The following SNX25 variants were observed in gnomAD, a reference collection of about 807,000 sequenced individuals.
SNX25 encodes sorting nexin 25.
SNX25 carries 62 observed loss-of-function variants against 113.7 expected under a neutral mutation model. The observed-to-expected ratio is 0.55, with a 90% confidence interval of 0.44 to 0.67. SNX25 has a LOEUF of 0.67. SNX25 is among the 30% of genes least tolerant of loss of function. SNX25 has a pLI of 0.00. For synonymous variants in SNX25, 421 were observed against 436.2 expected (o/e 0.97, Z 0.43); for missense variants, 1,014 against 1,161.0 (o/e 0.87, Z 1.84).
At chr4:185,249,464 C>T (rs1745337067) in intron 2 of SNX25, among the ~76,000 whole-genome samples, 1 of 152,014 alleles carries the variant, frequency 6.6e-6, no homozygotes, top group East Asian at 1.9e-4. Flanking sequence ...CTTTTTTAAA[C>T]TTATAATTTA....
chr4:185,302,093 T>TG (rs1753771434), intron 6 of SNX25, among the ~76,000 whole-genome samples: 1 of 119,660 alleles, frequency 8.4e-6, no homozygotes, highest in African/African-American at 2.7e-5. Context: ...GTGTGTGTGT[T>TG]TTTTTTGTTT....
intron 6 of SNX25, among the ~76,000 whole-genome samples, chr4:185,302,692 C>T (rs1753882755): frequency 6.6e-6 from 1 of 152,200 alleles, no homozygotes; most frequent in African/African-American, 2.4e-5. Context: ...TTGTGGACTT[C>T]CAGCCTCCAG....
At chr4:185,206,489 T>G (rs1274693629), upstream of SNX25, among the ~76,000 whole-genome samples, 1 of 52,458 alleles carries the variant, frequency 1.9e-5, no homozygotes, top group South Asian at 5.7e-4. Flanking sequence ...ATGAACCCCA[T>G]CTCACTAAAA....
At chr4:185,297,569 G>A (rs1753003626) in intron 6 of SNX25, among the ~76,000 whole-genome samples, 2 of 152,128 alleles carry the variant, frequency 1.3e-5, no homozygotes, top group Admixed American at 6.6e-5. Flanking sequence ...GTCAATTCAG[G>A]CTGCTGTCAC....
intron 1 of SNX25, among the ~76,000 whole-genome samples, chr4:185,224,905 T>C (rs988609856): frequency 4.6e-5 from 7 of 151,770 alleles, no homozygotes; most frequent in African/African-American, 1.4e-4. Context: ...ATATCTGGAA[T>C]TAACCATTTC....
intron 11 of SNX25, among the ~76,000 whole-genome samples, chr4:185,341,428 C>A (rs2095259391): frequency 6.6e-6 from 1 of 152,184 alleles, no homozygotes. Context: ...ACAGGATGAG[C>A]CTGCTGTATA....
chr4:185,326,261 C>A (rs540058595), intron 9 of SNX25, among the ~76,000 whole-genome samples: 89 of 152,166 alleles, frequency 5.8e-4, no homozygotes, highest in Non-Finnish European at 1.1e-3. Context: ...TAGTTCAGTT[C>A]GTGCAGTTAA....
intron 16 of SNX25, 140 bp downstream of exon 16, chr4:185,357,877 A>C (rs941084621): frequency 1.4e-6 from 1 of 711,040 alleles, no homozygotes; most frequent in Non-Finnish European, 2.4e-6. Flanking sequence ...TATGATTCTA[A>C]GATTGGATAG....
At chr4:185,287,813 G>T (rs1751551746) in intron 5 of SNX25, among the ~76,000 whole-genome samples, 199 bp from the exon 6 acceptor site, 1 of 122,124 alleles carries the variant, frequency 8.2e-6, no homozygotes, top group African/African-American at 2.9e-5. Flanking sequence ...TTACGTGAGG[G>T]CCTCAGAATG....
chr4:185,362,144 T>A, intron 17 of SNX25, 39 bp downstream of exon 17: 1 of 1,557,398 alleles, frequency 6.4e-7, no homozygotes, highest in Non-Finnish European at 8.7e-7. Context: ...CATAGAGATC[T>A]GAGGGAATGT....
chr4:185,365,860 T>C (rs542038517), downstream of SNX25: 11 of 152,074 alleles, frequency 7.2e-5, no homozygotes, highest in Non-Finnish European at 1.6e-4. Context: ...CAAACCCGAG[T>C]CTGTTGAAAT....
intron 12 of SNX25, 83 bp downstream of exon 12, chr4:185,342,199 C>T: frequency 7.2e-7 from 1 of 1,394,830 alleles, no homozygotes; most frequent in East Asian, 2.6e-5. Context: ...GCTGATTAAT[C>T]TTCTTCCTTT....
intron 6 of SNX25, among the ~76,000 whole-genome samples, chr4:185,308,818 C>T (rs1044908037): frequency 1.3e-5 from 2 of 152,160 alleles, no homozygotes; most frequent in Admixed American, 6.6e-5. Context: ...TTGTCTCACA[C>T]ACTCCCATGA....
At chr4:185,230,666 T>C (rs1741710408) in intron 1 of SNX25, among the ~76,000 whole-genome samples, 1 of 152,158 alleles carries the variant, frequency 6.6e-6, no homozygotes, top group Non-Finnish European at 1.5e-5. Context: ...CCCAAAGTGC[T>C]GGGATTACAG....
intron 3 of SNX25, among the ~76,000 whole-genome samples, chr4:185,264,197 C>T (rs1000618630): frequency 1.3e-5 from 2 of 151,956 alleles, no homozygotes; most frequent in South Asian, 2.1e-4. Flanking sequence ...TTATATAGAC[C>T]CTTTGATGCT....
At chr4:185,368,826 C>G (rs564324358), downstream of SNX25, among the ~76,000 whole-genome samples, 1 of 147,346 alleles carries the variant, frequency 6.8e-6, no homozygotes, top group Non-Finnish European at 1.5e-5. Flanking sequence ...TGGAGTCTCA[C>G]TGTGTTGCCC....
chr4:185,240,072 C>T (rs1335846070), intron 1 of SNX25, among the ~76,000 whole-genome samples: 1 of 151,490 alleles, frequency 6.6e-6, no homozygotes, highest in Non-Finnish European at 1.5e-5. Context: ...TCAGAGAGCA[C>T]AGGGTTGGGG....
intron 6 of SNX25, among the ~76,000 whole-genome samples, chr4:185,289,227 C>G (rs1398420834): frequency 6.6e-6 from 1 of 152,194 alleles, no homozygotes; most frequent in African/African-American, 2.4e-5. Context: ...CCTCTGCATT[C>G]CGATTCCCTA....
At chr4:185,244,099 T>C (rs1438234294) in intron 1 of SNX25, among the ~76,000 whole-genome samples, 4 of 152,104 alleles carry the variant, frequency 2.6e-5, no homozygotes, top group South Asian at 2.1e-4. Flanking sequence ...CTGGGCTCAG[T>C]CAGACCTCCT....
Sources: allele counts gnomAD v4.1 joint callset (sites outside exome capture counted in the v4.1 genomes callset), GRCh38; gene constraint gnomAD v4.1.1; transcripts MANE v1.5; gene names NCBI Gene and HGNC (gene_info 2026-07-23, HGNC 2026-07-21).